The following FHIT variants were observed in gnomAD, a reference collection of about 807,000 sequenced individuals.
The protein encoded by FHIT is fragile histidine triad diadenosine triphosphatase.
Under a neutral mutation model 17.9 loss-of-function variants are expected in FHIT, and 19 were observed. The ratio of observed to expected loss-of-function variants is 1.06; its 90% CI spans 0.74 to 1.56. FHIT has a LOEUF of 1.56. FHIT is among the 40% of genes most tolerant of loss of function. The pLI, the probability that FHIT is intolerant of heterozygous loss-of-function variation, is 0.00. For missense variants in FHIT, 248 were observed against 189.2 expected (o/e 1.31, Z -1.82); for synonymous variants, 81 against 69.7 (o/e 1.16, Z -0.81).
chr3:61,152,933 G>A (rs1252645914), intron 2 of FHIT, among the ~76,000 whole-genome samples: 2 of 152,248 alleles, frequency 1.3e-5, no homozygotes, highest in South Asian at 2.1e-4. Context: ...CACAAGATCA[G>A]GAGATCGAGA....
At chr3:60,378,405 G>A (rs1700665357) in intron 5 of FHIT, among the ~76,000 whole-genome samples, 1 of 152,186 alleles carries the variant, frequency 6.6e-6, no homozygotes, top group South Asian at 2.1e-4. Flanking sequence ...GGTTTTTCAG[G>A]AGGCACTCTG....
At chr3:60,089,025 A>G (rs1265613475) in intron 5 of FHIT, among the ~76,000 whole-genome samples, 1 of 152,218 alleles carries the variant, frequency 6.6e-6, no homozygotes, top group Non-Finnish European at 1.5e-5. Context: ...GCTGGGGCTT[A>G]CAGAAATGGA....
chr3:60,539,175 A>G (rs745872749), intron 4 of FHIT, among the ~76,000 whole-genome samples: 3 of 152,268 alleles, frequency 2.0e-5, no homozygotes, highest in Non-Finnish European at 1.5e-5. Flanking sequence ...TATGCAGCCA[A>G]CAGACACATG....
chr3:60,048,729 T>C (rs212051), intron 5 of FHIT, among the ~76,000 whole-genome samples: 101,497 of 152,044 alleles, frequency 0.67, 34,871 homozygotes, highest in Non-Finnish European at 0.72. Context: ...TTGGAAACCA[T>C]GTTCATCAGA....
intron 5 of FHIT, among the ~76,000 whole-genome samples, chr3:60,506,708 G>C (rs1395322359): frequency 6.6e-6 from 1 of 152,084 alleles, no homozygotes; most frequent in Non-Finnish European, 1.5e-5. Flanking sequence ...TCTACCATAG[G>C]AGCAAAATGT....
intron 3 of FHIT, among the ~76,000 whole-genome samples, chr3:60,982,679 C>T (rs1036365277): frequency 1.3e-5 from 2 of 152,216 alleles, no homozygotes; most frequent in African/African-American, 2.4e-5. Context: ...TGCAACTCTT[C>T]ATTTCCTTCG....
chr3:60,099,512 C>A (rs1704104270), intron 5 of FHIT, among the ~76,000 whole-genome samples: 1 of 152,074 alleles, frequency 6.6e-6, no homozygotes, highest in Non-Finnish European at 1.5e-5. Flanking sequence ...TTAACCTGTA[C>A]CCTCTATGCC....
intron 5 of FHIT, among the ~76,000 whole-genome samples, chr3:60,047,609 A>T (rs141365052): frequency 3.3e-5 from 5 of 152,236 alleles, no homozygotes; most frequent in African/African-American, 1.2e-4. Flanking sequence ...TGCATTAGGC[A>T]TATGTGAGCA....
chr3:60,010,453 CA>C (rs1700096926), intron 7 of FHIT, among the ~76,000 whole-genome samples: 1 of 152,164 alleles, frequency 6.6e-6, no homozygotes, highest in Non-Finnish European at 1.5e-5. Flanking sequence ...GTGTTAAAGA[CA>C]AAAGTAAAGT....
At chr3:59,981,054 T>G (rs1708632190) in intron 7 of FHIT, among the ~76,000 whole-genome samples, 1 of 152,090 alleles carries the variant, frequency 6.6e-6, no homozygotes, top group Non-Finnish European at 1.5e-5. Context: ...TTATTCACTA[T>G]TATAAACAAC....
intron 5 of FHIT, among the ~76,000 whole-genome samples, chr3:60,299,832 G>A (rs937716620): frequency 6.6e-6 from 1 of 152,074 alleles, no homozygotes; most frequent in African/African-American, 2.4e-5. Context: ...TGCTGTTGGA[G>A]GTAGGAGTAG....
chr3:59,996,185 A>G (rs2107486941), intron 7 of FHIT, among the ~76,000 whole-genome samples: 1 of 152,216 alleles, frequency 6.6e-6, no homozygotes, highest in South Asian at 2.1e-4. Context: ...TCCTAACAGC[A>G]GGGGGTATTA....
chr3:60,115,379 A>C (rs1252547028), intron 5 of FHIT, among the ~76,000 whole-genome samples: 2 of 152,216 alleles, frequency 1.3e-5, no homozygotes, highest in Non-Finnish European at 2.9e-5. Flanking sequence ...AATAAGAAAT[A>C]TATGTGGTTA....
chr3:59,884,422 G>A (rs1703534200), intron 8 of FHIT, among the ~76,000 whole-genome samples: 1 of 151,798 alleles, frequency 6.6e-6, no homozygotes, highest in African/African-American at 2.4e-5. Context: ...GCACACCACT[G>A]GATATCAACA....
intron 3 of FHIT, among the ~76,000 whole-genome samples, chr3:60,902,479 A>G (rs1706170787): frequency 6.6e-6 from 1 of 152,230 alleles, no homozygotes; most frequent in Non-Finnish European, 1.5e-5. Flanking sequence ...CGAAAGTTCC[A>G]GAGATGCCCA....
intron 1 of FHIT, among the ~76,000 whole-genome samples, chr3:61,235,715 C>T (rs989890916): frequency 6.6e-6 from 1 of 151,870 alleles, no homozygotes; most frequent in Non-Finnish European, 1.5e-5. Flanking sequence ...AAAAAAAGAA[C>T]CCATGTTGGA....
chr3:61,065,067 A>T (rs1160204303), intron 2 of FHIT, among the ~76,000 whole-genome samples: 1 of 152,180 alleles, frequency 6.6e-6, no homozygotes. Context: ...GGCCTGTCTT[A>T]TTATATAGAC....
chr3:59,798,304 T>A (rs1314463359), intron 8 of FHIT, among the ~76,000 whole-genome samples: 1 of 152,186 alleles, frequency 6.6e-6, no homozygotes, highest in Admixed American at 6.5e-5. Flanking sequence ...GATCTTAACA[T>A]GAACTAAGGT....
At chr3:59,771,795 C>G (rs113494389) in intron 8 of FHIT, among the ~76,000 whole-genome samples, 4 of 152,216 alleles carry the variant, frequency 2.6e-5, no homozygotes, top group African/African-American at 9.7e-5. Flanking sequence ...CTAAGTTGCT[C>G]TAAAACGGGA....
Sources: gnomAD v4.1 joint callset for allele counts (sites outside exome capture counted in the v4.1 genomes callset) on GRCh38, gnomAD v4.1.1 for gene constraint, MANE v1.5 for transcripts, NCBI Gene and HGNC (gene_info 2026-07-23, HGNC 2026-07-21) for gene names.